XAGE3: variants seen among roughly 807,000 people sequenced by gnomAD.
XAGE3 encodes X antigen family member 3, also known as CT12.3.
Under a neutral mutation model 9.2 loss-of-function variants are expected in XAGE3, and 6 were observed. The ratio of observed to expected loss-of-function variants is 0.65; its 90% CI spans 0.36 to 1.29. The LOEUF is 1.29. Among genes scored for constraint, XAGE3 ranks in the 50% most tolerant of loss-of-function variants. XAGE3 has a pLI of 0.03. For synonymous variants in XAGE3, 26 were observed against 28.2 expected, an observed-to-expected ratio of 0.92 and a Z score of 0.25; for missense variants, 70 against 82.8, an observed-to-expected ratio of 0.85 and a Z score of 0.60.
chrX:52,864,149 T>C (rs1423997113), intron 4 of XAGE3, among the ~76,000 whole-genome samples: 1 of 112,225 alleles, frequency 8.9e-6, no homozygotes, highest in Non-Finnish European at 1.9e-5. Flanking sequence ...ATTTGGAAAA[T>C]ATGTGGAAAA....
At chrX:52,866,316 T>C in intron 3 of XAGE3, 117 bp downstream of exon 3, 1 of 775,750 alleles carries the variant, frequency 1.3e-6, no homozygotes, top group South Asian at 2.2e-5. Context: ...TCAGCAAATG[T>C]TTGAGATCCT....
chrX:52,863,115 A>G (rs1927795623), intron 4 of XAGE3, among the ~76,000 whole-genome samples: 1 of 112,466 alleles, frequency 8.9e-6, no homozygotes, highest in South Asian at 3.6e-4. Flanking sequence ...TAGGGACTGC[A>G]AAAGTGCAGT....
intron 4 of XAGE3, among the ~76,000 whole-genome samples, chrX:52,863,845 C>T (rs1927819884): frequency 9.0e-6 from 1 of 111,384 alleles, no homozygotes; most frequent in Non-Finnish European, 1.9e-5. Context: ...TTATTAAGGA[C>T]CTCTTTCCTT....
At chrX:52,866,375 A>T in intron 3 of XAGE3, 58 bp downstream of exon 3, 1 of 1,084,033 alleles carries the variant, frequency 9.2e-7, no homozygotes, top group East Asian at 3.0e-5. Flanking sequence ...ATAAGGCATG[A>T]TGCACACATA....
intron 4 of XAGE3, among the ~76,000 whole-genome samples, chrX:52,863,588 T>C (rs1187523898): frequency 8.9e-6 from 1 of 112,099 alleles, no homozygotes; most frequent in African/African-American, 3.2e-5. Context: ...ATGTATGTGT[T>C]CCTAGCATAT....
In XAGE3 at chrX:52,866,547, A is replaced by AGG. The variant is rs782062409; in HGVS notation, c.82-11_82-10dup. The AGG allele has an allele frequency of 4.8e-5, 58 of 1,198,313 alleles. No individual in the cohort carries two copies. Among genetic ancestry groups the AGG allele is most frequent in the Non-Finnish European group, 6.2e-5 (55 of 887,779 alleles). The stretch of plus-strand genomic sequence containing the variant: ...TCCTCATCACCGGGCTCCTGGAACC[A>AGG]GGGGTGTGTGTGTGTGTGTGTGTGT... On this transcript the variant is annotated splice_polypyrimidine_tract_variant and intron_variant, in intron 2 of 4. Transcript: ENST00000346279.
At chrX:52,866,260 T>C in intron 3 of XAGE3, among the ~76,000 whole-genome samples, 173 bp downstream of exon 3, 1 of 112,470 alleles carries the variant, frequency 8.9e-6, no homozygotes, top group South Asian at 3.7e-4. Flanking sequence ...AGATTCATTA[T>C]ATCCATGAAG....
rs782745219 is a variant in XAGE3 at position 52,864,045 on chromosome X, T to C, written c.313+730A>G. Among the ~76,000 whole-genome samples the C allele has an allele frequency of 5.3e-5, 6 of 112,229 alleles. No individual in the cohort carries two copies. In the South Asian group the frequency reaches 2.2e-3, roughly 41 times the overall value. ...CATGTAAATAGTCTAATGGAATGGT[T>C]CAGCAGTATAGAGTAAAACCATTTA... On this transcript the variant is annotated intron_variant, in intron 4 of 4. Transcript: ENST00000346279.
rs1459283067 is a variant in XAGE3, at chrX:52,866,554, T to C, written c.82-16A>G. 3.7e-6 allele frequency: 4 copies of C among 1,074,724 alleles called. No individual in the cohort carries two copies. The highest frequency in any genetic ancestry group is 5.0e-6 in the Non-Finnish European group (4 of 794,628). 88.6% of individuals were successfully genotyped at this position (1,074,724 alleles called of 1,213,427 possible). A position where few individuals can be genotyped will look rare whatever the true frequency, so the allele number is the denominator to read the frequency against. ...CACCGGGCTCCTGGAACCAGGGGTG[T>C]GTGTGTGTGTGTGTGTGTGTGCAGA... is the stretch of plus-strand genomic sequence containing the variant. On this transcript the variant is annotated splice_polypyrimidine_tract_variant and intron_variant, in intron 2 of 4. Coordinates refer to ENST00000346279, the MANE Select transcript of XAGE3 (RefSeq NM_133179.3).
chrX:52,867,489 A>G (rs1357543649), intron 1 of XAGE3, among the ~76,000 whole-genome samples: 1 of 110,842 alleles, frequency 9.0e-6, no homozygotes, highest in Non-Finnish European at 1.9e-5. Context: ...TGCTGGGCCC[A>G]TTTCCCCCCT....
At chrX:52,867,233 T>A in intron 1 of XAGE3, 92 bp from the exon 2 acceptor site, 2 of 771,060 alleles carry the variant, frequency 2.6e-6, no homozygotes, top group Non-Finnish European at 3.8e-6. Flanking sequence ...TGTCATTTTT[T>A]AAAAGTTTGT....
intron 3 of XAGE3, among the ~76,000 whole-genome samples, chrX:52,865,814 C>T (rs1569192444): frequency 8.9e-6 from 1 of 111,921 alleles, no homozygotes; most frequent in Non-Finnish European, 1.9e-5. Context: ...TGAGCCAATA[C>T]TGAAGTACTT....
At chrX:52,865,328 A>T (rs782388424) in intron 3 of XAGE3, among the ~76,000 whole-genome samples, 2 of 111,963 alleles carry the variant, frequency 1.8e-5, no homozygotes, top group East Asian at 2.8e-4. Context: ...AAACAAACTT[A>T]GGTCCAAAGG....
chrX:52,867,373 G>A (rs2146550261), intron 1 of XAGE3: 1 of 349,788 alleles, frequency 2.9e-6, no homozygotes, highest in African/African-American at 2.6e-5. Context: ...GGATATTTCC[G>A]ATGAGGTTTG....
intron 3 of XAGE3, among the ~76,000 whole-genome samples, chrX:52,865,135 T>G (rs1213817437): frequency 1.8e-5 from 2 of 111,662 alleles, no homozygotes; most frequent in Admixed American, 1.9e-4. Context: ...CATTGTGTAC[T>G]ATAAACAGTG....
rs1602015841 is a variant in XAGE3, at chrX:52,864,979, A to G, written c.188-79T>C. The G allele has an allele frequency of 5.3e-6, 6 of 1,124,602 alleles. No individual in the cohort carries two copies. In the East Asian group the frequency reaches 1.5e-4, roughly 29 times the overall value. 92.7% of individuals were successfully genotyped at this position (1,124,602 alleles called of 1,213,427 possible). ...GGAAATGATAATATTCTTTTCCTCAATGTTATGAAATAAAAGGCTGCAGGC... is the reference window on the plus strand; with the variant it reads ...GGAAATGATAATATTCTTTTCCTCAGTGTTATGAAATAAAAGGCTGCAGGC... On this transcript the variant is annotated intron_variant, in intron 3 of 4. Transcript: ENST00000346279.
intron 3 of XAGE3, 62 bp downstream of exon 3, chrX:52,866,371 C>T: frequency 9.4e-7 from 1 of 1,060,321 alleles, no homozygotes; most frequent in Non-Finnish European, 1.3e-6. Context: ...TGGCATAAGG[C>T]ATGATGCACA....
chrX:52,867,629 C>T (rs1350250826), intron 1 of XAGE3, among the ~76,000 whole-genome samples: 8 of 110,610 alleles, frequency 7.2e-5, no homozygotes, highest in Admixed American at 1.9e-4. Context: ...ACCTCAGGGC[C>T]ACAGTCACCA....
At chrX:52,865,626 A>G (rs1211429568) in intron 3 of XAGE3, among the ~76,000 whole-genome samples, 1 of 112,211 alleles carries the variant, frequency 8.9e-6, no homozygotes, top group East Asian at 2.8e-4. Context: ...GTATATAAAC[A>G]ACTCTTTAAA....
Sources: allele counts gnomAD v4.1 joint callset (sites outside exome capture counted in the v4.1 genomes callset), GRCh38; gene constraint gnomAD v4.1.1; transcripts MANE v1.5; gene names NCBI Gene and HGNC (gene_info 2026-07-23, HGNC 2026-07-21).